The following ATP6AP2 variants were observed in gnomAD, a reference collection of about 807,000 sequenced individuals.
ATP6AP2 encodes the protein renin receptor.
In ATP6AP2, 1 loss-of-function variant was observed where a neutral mutation model predicts 23.4. That is an observed-to-expected ratio of 0.04 (90% confidence interval 0.02 to 0.20). ATP6AP2 has a LOEUF of 0.20. Ranked by LOEUF, ATP6AP2 falls within the 10% of genes least tolerant of loss-of-function variation. The probability of loss-of-function intolerance (pLI) is 1.00; values close to 1 mark genes in which losing one functional copy is unlikely to be tolerated. For synonymous variants in ATP6AP2, 90 were observed against 97.1 expected (o/e 0.93, Z 0.43); for missense variants, 174 against 271.3 (o/e 0.64, Z 2.52).
chrX:40,603,378 CAA>C (rs1926990695), intron 8 of ATP6AP2: 1 of 101,448 alleles, frequency 9.9e-6, no homozygotes, highest in Non-Finnish European at 1.9e-5. Context: ...AGGAAAGAAA[CAA>C]AGAGGTCTTC....
chrX:40,601,662 G>A (rs948998995), intron 8 of ATP6AP2, among the ~76,000 whole-genome samples: 6 of 110,159 alleles, frequency 5.4e-5, no homozygotes, highest in African/African-American at 1.3e-4. Flanking sequence ...AACATCCTAC[G>A]TCTGAGAACA....
At chrX:40,582,686 T>A (rs1445453971) in intron 1 of ATP6AP2, among the ~76,000 whole-genome samples, 3 of 112,427 alleles carry the variant, frequency 2.7e-5, no homozygotes, top group African/African-American at 9.7e-5. Context: ...TTTGAGGGAA[T>A]TAATTTTAAT....
chrX:40,582,165 C>T (rs1926344322), intron 1 of ATP6AP2, among the ~76,000 whole-genome samples: 1 of 111,852 alleles, frequency 8.9e-6, no homozygotes, highest in African/African-American at 3.3e-5. Flanking sequence ...CGGTGGTTCA[C>T]GCCTGTAATC....
chrX:40,603,926 T>C lies in ATP6AP2; in HGVS notation c.859-1635T>C, dbSNP rs1254828207. Among the ~76,000 whole-genome samples, 7 of 111,100 alleles carry C rather than the reference T, an allele frequency of 6.3e-5. No homozygotes were observed. In the Admixed American group the frequency reaches 6.7e-4, roughly 11 times the overall value. On this transcript the variant is annotated intron_variant, in intron 8 of 8. Coordinates refer to ENST00000636580, the MANE Select transcript of ATP6AP2 (RefSeq NM_005765.3). ...CAGCTAATTTTTAATTTTAATGTTA[T>C]CTTTTTAAGACAAACCTGATCATGT...
At chrX:40,597,785 G>A in intron 5 of ATP6AP2, 121 bp downstream of exon 5, 1 of 756,740 alleles carries the variant, frequency 1.3e-6, no homozygotes. Context: ...AAGCAATCCT[G>A]TCTTGGCCTC....
At chrX:40,594,377 A>G (rs980531271) in intron 3 of ATP6AP2, among the ~76,000 whole-genome samples, 1 of 112,681 alleles carries the variant, frequency 8.9e-6, no homozygotes. Flanking sequence ...GCTGTGAGGG[A>G]GAAAAGACAC....
intron 7 of ATP6AP2, 118 bp downstream of exon 7, chrX:40,599,859 C>A: frequency 1.1e-6 from 1 of 910,469 alleles, no homozygotes; most frequent in Non-Finnish European, 1.6e-6. Context: ...TTCTTTGGGG[C>A]TCCTCTAATT....
chrX:40,601,040 A>T, intron 8 of ATP6AP2, 159 bp downstream of exon 8: 1 of 515,630 alleles, frequency 1.9e-6, no homozygotes, highest in South Asian at 3.2e-5. Flanking sequence ...TCACATACAT[A>T]TGTGTGCTTT....
intron 1 of ATP6AP2, among the ~76,000 whole-genome samples, chrX:40,588,619 C>G (rs1926541855): frequency 9.0e-6 from 1 of 110,948 alleles, no homozygotes; most frequent in Non-Finnish European, 1.9e-5. Context: ...CCACATGCCT[C>G]TTTAAGAGCC....
chrX:40,586,704 G>T (rs954076591), intron 1 of ATP6AP2, among the ~76,000 whole-genome samples: 1 of 112,104 alleles, frequency 8.9e-6, no homozygotes, highest in Non-Finnish European at 1.9e-5. Context: ...TATTGAAATA[G>T]AGGAGGGGTG....
chrX:40,600,942 A>AAC (rs1449919186), intron 8 of ATP6AP2, 61 bp downstream of exon 8: 32 of 1,126,068 alleles, frequency 2.8e-5, no homozygotes, highest in Non-Finnish European at 3.8e-5. Flanking sequence ...AAAAAAAAAA[A>AAC]AACCAAGTCC....
At chrX:40,586,062 A>T (rs1436118121) in intron 1 of ATP6AP2, among the ~76,000 whole-genome samples, 1 of 110,708 alleles carries the variant, frequency 9.0e-6, no homozygotes, top group Non-Finnish European at 1.9e-5. Flanking sequence ...GCGTATTTTT[A>T]TGCTGAAGTG....
chrX:40,588,334 G>GC (rs58929123), intron 1 of ATP6AP2, among the ~76,000 whole-genome samples: 1,363 of 12,299 alleles, frequency 0.11, 4 homozygotes, highest in East Asian at 0.22. Flanking sequence ...TGACATGTAT[G>GC]CCCCCCCCCC....
chrX:40,601,443 A>G, intron 8 of ATP6AP2, among the ~76,000 whole-genome samples: 1 of 111,557 alleles, frequency 9.0e-6, no homozygotes, highest in Non-Finnish European at 1.9e-5. Context: ...TATGATTTTG[A>G]TTTACTTAAC....
At chrX:40,590,627 C>T (rs1256531839) in intron 2 of ATP6AP2, 1 of 113,414 alleles carries the variant, frequency 8.8e-6, no homozygotes, top group Non-Finnish European at 1.8e-5. Flanking sequence ...AATCTACCTG[C>T]TTCAGCCTCC....
In ATP6AP2 at chrX:40,592,110, T is replaced by G. The variant is rs7058106; in HGVS notation, c.300+745T>G. On this transcript the variant is annotated intron_variant, in intron 3 of 8. Transcript: ENST00000636580. ...GTTGGACCCAAAGAGTCCCCTGAGA[T>G]AAATTAGAATTAGAATTATAGGCTT... 9.9e-3 allele frequency: 1,123 copies of G among 113,193 alleles called. 13 individuals carry two copies. Among genetic ancestry groups the G allele is most frequent in the African/African-American group, 0.034 (1,066 of 30,987 alleles). 9.3% of individuals were successfully genotyped at this position (113,193 alleles called of 1,213,427 possible).
chrX:40,588,755 A>G (rs1012223023), intron 1 of ATP6AP2, among the ~76,000 whole-genome samples: 1 of 111,437 alleles, frequency 9.0e-6, no homozygotes, highest in African/African-American at 3.3e-5. Context: ...GAATAGGTTC[A>G]GAGAGGCTCT....
At chrX:40,602,741 T>G (rs1312769006) in intron 8 of ATP6AP2, among the ~76,000 whole-genome samples, 3 of 104,158 alleles carry the variant, frequency 2.9e-5, no homozygotes, top group Admixed American at 1.0e-4. Context: ...GCCTTGTGTG[T>G]GGGGGATGGG....
chrX:40,600,943 A>AAACCAAGTCCT, intron 8 of ATP6AP2, 62 bp downstream of exon 8: 3 of 1,120,469 alleles, frequency 2.7e-6, no homozygotes, highest in Non-Finnish European at 3.6e-6. Flanking sequence ...AAAAAAAAAA[A>AAACCAAGTCCT]ACCAAGTCCT....
Sources: allele counts gnomAD v4.1 joint callset (sites outside exome capture counted in the v4.1 genomes callset), GRCh38; gene constraint gnomAD v4.1.1; transcripts MANE v1.5; gene names NCBI Gene and HGNC (gene_info 2026-07-23, HGNC 2026-07-21).